Variants in KDM3B observed in about 807,000 individuals in gnomAD.
The protein encoded by KDM3B is lysine demethylase 3B.
Under a neutral mutation model 170.0 loss-of-function variants are expected in KDM3B, and 10 were observed. The observed-to-expected ratio is 0.06, with a 90% CI of 0.04 to 0.10. KDM3B has a LOEUF of 0.10. KDM3B is among the 10% of genes least tolerant of loss of function. The probability of loss-of-function intolerance (pLI) is 1.00; values close to 1 mark genes in which losing one functional copy is unlikely to be tolerated. For synonymous variants in KDM3B, 831 were observed against 834.8 expected (o/e 1.00, Z 0.08); for missense variants, 1,394 against 2,195.2 (o/e 0.64, Z 7.29).
chr5:138,420,893 G>A lies in KDM3B; in HGVS notation c.3903G>A (p.Pro1301=), dbSNP rs144181285. Residue 1301 remains proline, a synonymous_variant, in exon 15 of 24, where the codon CCG becomes CCA. Coordinates refer to ENST00000314358, the MANE Select transcript of KDM3B (RefSeq NM_016604.4). ...SSLRDLLHSG[P]GKLPQTPLDT... ...TTCGAGACCTCCTTCACTCCGGGCC[G>A]GGAAAACTTCCTCAAACCCCCTTGG... 1.5e-4 allele frequency: 248 copies of A among 1,614,040 alleles called. 2 individuals carry two copies. The Middle Eastern group carries it at 8.7e-3, about 57-fold the overall frequency.
chr5:138,389,848 T>A (rs1370609822), intron 7 of KDM3B, among the ~76,000 whole-genome samples: 1 of 151,588 alleles, frequency 6.6e-6, no homozygotes, highest in African/African-American at 2.4e-5. Flanking sequence ...TACATTAATA[T>A]ATAGGAAAGT....
intron 14 of KDM3B, among the ~76,000 whole-genome samples, chr5:138,419,662 A>AT (rs1356807812): frequency 8.1e-6 from 1 of 124,034 alleles, no homozygotes; most frequent in African/African-American, 3.0e-5. Flanking sequence ...CAAAAAAAAA[A>AT]AAAAAAATAT....
Position 138,398,279 on chromosome 5 carries a change from T to C in KDM3B, c.2933T>C (p.Leu978Pro). Reference sequence around the variant, plus strand: ...AACCTGTGGATTCCCTCTTCCTCCCTAGCAGAAGGGATAGATCTAGAGACC... The same window carrying C: ...AACCTGTGGATTCCCTCTTCCTCCCCAGCAGAAGGGATAGATCTAGAGACC... Reference protein sequence around the residue: ...AMNLWIPSSSLAEGIDLETSK... With the variant: ...AMNLWIPSSSPAEGIDLETSK... Residue 978 changes from leucine (L) to proline (P), a missense_variant, in exon 10 of 24, where the codon CTA (leucine) becomes CCA (proline). By Grantham distance (98) the Leu-to-Pro change is moderately conservative. Transcript: ENST00000314358. The C allele has an allele frequency of 6.2e-7, 1 of 1,614,130 alleles. No individual in the cohort carries two copies. The highest frequency in any genetic ancestry group is 8.5e-7 in the Non-Finnish European group (1 of 1,180,002).
rs1281236438 is a variant in KDM3B, at chr5:138,386,287, A to G, written c.1046A>G (p.Gln349Arg). The G allele has an allele frequency of 1.7e-5, 27 of 1,614,106 alleles. No individual in the cohort carries two copies. The highest frequency in any genetic ancestry group is 2.3e-5 in the Non-Finnish European group (27 of 1,180,048). ...CAGCCACCGTCTACATTTGTCCCCC[A>G]GATAAACCGCAACATTCGCTTTGCC... ...AKQPPSTFVP[Q>R]INRNIRFATY... Residue 349 changes from glutamine to arginine, a missense_variant, in exon 7 of 24, where the codon CAG (glutamine) becomes CGG (arginine). By Grantham distance (43) the Gln-to-Arg change is conservative. This residue lies in a region of KDM3B where 205 missense variants were observed against 227.6 expected (regional missense o/e 0.90). Coordinates refer to ENST00000314358, the MANE Select transcript of KDM3B (RefSeq NM_016604.4).
chr5:138,396,736 A>G (rs1762557266), intron 9 of KDM3B, among the ~76,000 whole-genome samples: 2 of 152,042 alleles, frequency 1.3e-5, no homozygotes, highest in African/African-American at 2.4e-5. Context: ...TCTCAGTGGA[A>G]TAGAAAACAA....
chr5:138,383,492 T>C (rs184634891), intron 6 of KDM3B, among the ~76,000 whole-genome samples: 12 of 152,274 alleles, frequency 7.9e-5, no homozygotes, highest in African/African-American at 2.9e-4. Flanking sequence ...GGTATTAACA[T>C]GATATTACTG....
At position 138,381,679 on chromosome 5, in the gene KDM3B, A is replaced by G. The variant is rs1036638523; in HGVS notation, c.780+89A>G. 6.2e-6 allele frequency: 5 copies of G among 800,922 alleles called. No homozygotes were observed. The African/African-American group carries it at 8.5e-5, about 14-fold the overall frequency. The allele number at this position is 800,922 out of a possible 1,614,324, so 49.6% of individuals were successfully genotyped here. A position where few individuals can be genotyped will look rare whatever the true frequency, so the allele number is the denominator to read the frequency against. On this transcript the variant is annotated intron_variant, in intron 6 of 23. Coordinates refer to ENST00000314358, the MANE Select transcript of KDM3B (RefSeq NM_016604.4). Reference sequence around the variant, plus strand: ...TCCCTTATATATGTGTTTTCCATGGATGCCTTTTGAGTTGTTCAGCTTTAG... The same window carrying G: ...TCCCTTATATATGTGTTTTCCATGGGTGCCTTTTGAGTTGTTCAGCTTTAG...
At chr5:138,419,307 C>T in intron 14 of KDM3B, 75 bp downstream of exon 14, 1 of 1,446,386 alleles carries the variant, frequency 6.9e-7, no homozygotes, top group Non-Finnish European at 9.4e-7. Context: ...TGAACTCACA[C>T]ATTACCATCC....
intron 4 of KDM3B, 145 bp downstream of exon 4, chr5:138,377,970 AATT>A: frequency 2.5e-6 from 1 of 403,234 alleles, no homozygotes; most frequent in East Asian, 4.1e-5. Flanking sequence ...GAAAGATAAT[AATT>A]ATTATTTATT....
At chr5:138,400,852 C>T (rs1268356592) in intron 11 of KDM3B, among the ~76,000 whole-genome samples, 2 of 151,972 alleles carry the variant, frequency 1.3e-5, no homozygotes, top group African/African-American at 2.4e-5. Flanking sequence ...CAGTCACTGC[C>T]GATTCCTCCT....
rs1762037431 is a variant in KDM3B, at chr5:138,377,908, C to T, written c.580+83C>T. On this transcript the variant is annotated intron_variant, in intron 4 of 23. Transcript: ENST00000314358. Reference sequence around the variant, plus strand: ...AGTGATAGTATGGAATCCCATGCAACCTTAAACATTTGTACTTATCTCCTT... The same window carrying T: ...AGTGATAGTATGGAATCCCATGCAATCTTAAACATTTGTACTTATCTCCTT... 3.2e-6 allele frequency: 3 copies of T among 928,592 alleles called. No homozygotes were observed. In the African/African-American group the frequency reaches 5.0e-5, roughly 16 times the overall value. 57.5% of individuals were successfully genotyped at this position (928,592 alleles called of 1,614,324 possible). A position where few individuals can be genotyped will look rare whatever the true frequency, so the allele number is the denominator to read the frequency against.
rs201714829 is a variant in KDM3B, at chr5:138,420,790, C to A, written c.3800C>A (p.Ser1267Tyr). Residue 1267 changes from serine to tyrosine, a missense_variant, in exon 15 of 24, where the codon TCT becomes TAT. Physicochemically the swap from Ser to Tyr is moderately radical, Grantham distance 144 (BLOSUM62 -2). This residue lies in a region of KDM3B where 137 missense variants were observed against 166.9 expected (regional missense o/e 0.82). Transcript: ENST00000314358. The stretch of plus-strand genomic sequence containing the variant: ...TCGTTCAACTCCACTGCAAAGGTCT[C>A]TCCGCTGACTCCAAAGCTTTTTAAC... ...LDSFNSTAKV[S>Y]PLTPKLFNSL... The A allele has an allele frequency of 8.7e-5, 141 of 1,614,066 alleles. No homozygotes were observed. The highest frequency in any genetic ancestry group is 6.8e-6 in the Non-Finnish European group (8 of 1,180,048).
chr5:138,402,922 C>T (rs1234928207), intron 11 of KDM3B, among the ~76,000 whole-genome samples: 1 of 152,216 alleles, frequency 6.6e-6, no homozygotes, highest in African/African-American at 2.4e-5. Flanking sequence ...GAACTCTCTA[C>T]AGAGACAGCC....
chr5:138,425,744 G>C, intron 17 of KDM3B, 162 bp downstream of exon 17: 1 of 623,684 alleles, frequency 1.6e-6, no homozygotes, highest in South Asian at 2.7e-5. Context: ...GTGGTTGCTC[G>C]CTCCTGTAAT....
At chr5:138,392,911 T>C (rs547403609) in intron 8 of KDM3B, among the ~76,000 whole-genome samples, 2 of 152,358 alleles carry the variant, frequency 1.3e-5, no homozygotes, top group East Asian at 1.9e-4. Context: ...TGGCTTCTTA[T>C]GTTTTTCACA....
chr5:138,377,773 A>T lies in KDM3B; in HGVS notation c.528A>T (p.Glu176Asp), dbSNP rs1481464266. ...TTTTGGAACATGCTGCACTGAGAGA[A>T]ACAGTTAATGCTTTGATCAGTGACC... ...QILLEHAALR[E>D]TVNALISDQK... is the part of the protein sequence containing the mutation. The change falls in exon 4 of 24, where the codon GAA becomes GAT. Residue 176 changes from glutamate to aspartate, a missense_variant. By Grantham distance (45) the Glu-to-Asp change is conservative (BLOSUM62 2). Around this residue, in one of 19 missense-constraint regions of KDM3B, gnomAD observed 166 missense variants for 216.4 expected, o/e 0.77. Transcript: ENST00000314358. The T allele has an allele frequency of 3.1e-6, 5 of 1,613,978 alleles. No individual in the cohort carries two copies. In the African/African-American group the frequency reaches 5.3e-5, roughly 17 times the overall value.
intron 11 of KDM3B, among the ~76,000 whole-genome samples, chr5:138,411,326 TA>T (rs1762963892): frequency 6.6e-6 from 1 of 152,240 alleles, no homozygotes; most frequent in Non-Finnish European, 1.5e-5. Context: ...GTTATGATTA[TA>T]GAGCGAGGAT....
intron 1 of KDM3B, among the ~76,000 whole-genome samples, chr5:138,364,813 T>C (rs1761705916): frequency 6.6e-6 from 1 of 152,162 alleles, no homozygotes; most frequent in Non-Finnish European, 1.5e-5. Context: ...ATGGGAGAGG[T>C]GGGATGCAAA....
intron 6 of KDM3B, 198 bp downstream of exon 6, chr5:138,381,788 C>T (rs1762131887): frequency 1.9e-6 from 1 of 523,180 alleles, no homozygotes; most frequent in Admixed American, 3.2e-5. Flanking sequence ...TTGAGCAAAC[C>T]CTTTTAAGCA....
Sources: gnomAD v4.1 joint callset for allele counts (sites outside exome capture counted in the v4.1 genomes callset) on GRCh38, gnomAD v4.1.1 for gene constraint, gnomAD v4.1.1 regional missense constraint, MANE v1.5 for transcripts, NCBI Gene and HGNC (gene_info 2026-07-23, HGNC 2026-07-21) for gene names.